Variants in CTNNA2 observed in about 807,000 individuals in gnomAD.
The protein encoded by CTNNA2 is catenin alpha 2.
A neutral mutation model predicts 101.0 loss-of-function variants in CTNNA2; 42 were observed. The observed-to-expected ratio is 0.42, with a 90% CI of 0.32 to 0.54. The LOEUF (loss-of-function observed/expected upper bound fraction) is 0.54, where lower values mean the gene tolerates loss of function less well. Ranked by LOEUF, CTNNA2 falls within the 20% of genes least tolerant of loss-of-function variation. CTNNA2 has a pLI of 0.14. For synonymous variants in CTNNA2, 450 were observed against 456.4 expected, an observed-to-expected ratio of 0.99 and a Z score of 0.18; for missense variants, 871 against 1,223.1, an observed-to-expected ratio of 0.71 and a Z score of 4.29.
At chr2:80,453,289 G>T (rs939721153) in intron 9 of CTNNA2, among the ~76,000 whole-genome samples, 1 of 152,040 alleles carries the variant, frequency 6.6e-6, no homozygotes, top group Non-Finnish European at 1.5e-5. Flanking sequence ...GGCCAAGGTT[G>T]GTAGGGATAG....
chr2:80,204,981 A>C (rs1707442990), intron 7 of CTNNA2, among the ~76,000 whole-genome samples: 1 of 152,170 alleles, frequency 6.6e-6, no homozygotes, highest in Admixed American at 6.5e-5. Flanking sequence ...TAAAACCATC[A>C]GATCTCATGA....
At chr2:79,747,591 A>G (rs544563217) in intron 3 of CTNNA2, among the ~76,000 whole-genome samples, 50 of 152,340 alleles carry the variant, frequency 3.3e-4, no homozygotes, top group South Asian at 6.2e-4. Context: ...TTTTGTCATT[A>G]CAAGTTAGTT....
chr2:80,186,575 G>A (rs899064641), intron 7 of CTNNA2, among the ~76,000 whole-genome samples: 2 of 152,152 alleles, frequency 1.3e-5, no homozygotes, highest in Admixed American at 1.3e-4. Context: ...CATTAACAAT[G>A]TTTGTTTGTA....
At chr2:79,492,990 C>A (rs1482366206) in intron 4 of CTNNA2, among the ~76,000 whole-genome samples, 1 of 151,980 alleles carries the variant, frequency 6.6e-6, no homozygotes, top group Admixed American at 6.6e-5. Context: ...CAGAAAAAAC[C>A]ACTTAATCAA....
At chr2:80,613,477 T>TG (rs2149793118) in intron 17 of CTNNA2, among the ~76,000 whole-genome samples, 1 of 151,522 alleles carries the variant, frequency 6.6e-6, no homozygotes, top group East Asian at 2.0e-4. Context: ...GAAAGCTTTG[T>TG]GTCTTTTGCA....
rs1160951845 is a variant in CTNNA2, at chr2:79,715,738, A to G, written c.103-28649A>G. Among the ~76,000 whole-genome samples, 3 of 152,154 alleles carry G rather than the reference A, an allele frequency of 2.0e-5. No homozygotes were observed. The East Asian group carries it at 5.8e-4, about 29-fold the overall frequency. On this transcript the variant is annotated intron_variant, in intron 2 of 18. Coordinates refer to ENST00000402739, the MANE Select transcript of CTNNA2 (RefSeq NM_001282597.3). The stretch of plus-strand genomic sequence containing the variant: ...AATATGAAACTTGGTAAAAAGAAAT[A>G]TATGTATAAATATGGAGCCATTGGA...
intron 7 of CTNNA2, among the ~76,000 whole-genome samples, chr2:80,181,729 CA>C (rs1314395969): frequency 2.0e-5 from 3 of 152,148 alleles, no homozygotes; most frequent in Admixed American, 2.0e-4. Flanking sequence ...CACGTATGGT[CA>C]AAGGTATTAT....
chr2:79,543,209 C>T (rs1487746192), intron 1 of CTNNA2, among the ~76,000 whole-genome samples: 1 of 152,054 alleles, frequency 6.6e-6, no homozygotes, highest in Non-Finnish European at 1.5e-5. Context: ...TCCATTAAAA[C>T]ATATTTGTGA....
chr2:79,211,840 T>C (rs370299123), intron 2 of CTNNA2, among the ~76,000 whole-genome samples: 17 of 152,080 alleles, frequency 1.1e-4, no homozygotes, highest in East Asian at 9.7e-4. Context: ...GGGGATGGTA[T>C]GGAGAGATAG....
intron 7 of CTNNA2, among the ~76,000 whole-genome samples, chr2:80,378,202 C>T (rs1045914927): frequency 6.6e-6 from 1 of 151,692 alleles, no homozygotes; most frequent in South Asian, 2.1e-4. Context: ...ACTAAACATG[C>T]AAAAAATTAG....
At chr2:80,192,932 AT>A (rs1558890150) in intron 7 of CTNNA2, among the ~76,000 whole-genome samples, 1 of 150,880 alleles carries the variant, frequency 6.6e-6, no homozygotes, top group Non-Finnish European at 1.5e-5. Flanking sequence ...TATGATGCGT[AT>A]TTTGGGAGTG....
chr2:79,731,885 A>T (rs568009231), intron 2 of CTNNA2, among the ~76,000 whole-genome samples: 1 of 151,952 alleles, frequency 6.6e-6, no homozygotes, highest in Non-Finnish European at 1.5e-5. Context: ...TAAGAGCAAA[A>T]ATAAATATTC....
chr2:80,523,512 G>A (rs1689755660), intron 9 of CTNNA2, among the ~76,000 whole-genome samples: 1 of 152,180 alleles, frequency 6.6e-6, no homozygotes, highest in South Asian at 2.1e-4. Flanking sequence ...GATAGGCTAC[G>A]ACAATTCCTA....
At chr2:79,331,219 G>T (rs1316880894) in intron 3 of CTNNA2, among the ~76,000 whole-genome samples, 2 of 152,082 alleles carry the variant, frequency 1.3e-5, no homozygotes, top group Non-Finnish European at 2.9e-5. Flanking sequence ...CTCCCTGCCA[G>T]TCTTCATTCC....
intron 7 of CTNNA2, among the ~76,000 whole-genome samples, chr2:80,035,103 G>T (rs1695563995): frequency 6.6e-6 from 1 of 152,114 alleles, no homozygotes; most frequent in Non-Finnish European, 1.5e-5. Context: ...TTGAGAAAAA[G>T]AATGTGGCCC....
At chr2:79,963,041 A>G (rs1689764870) in intron 7 of CTNNA2, among the ~76,000 whole-genome samples, 1 of 132,342 alleles carries the variant, frequency 7.6e-6, no homozygotes, top group African/African-American at 2.8e-5. Flanking sequence ...ACTGCACTCC[A>G]GCCTGGGCGA....
intron 15 of CTNNA2, among the ~76,000 whole-genome samples, chr2:80,592,950 T>C (rs962940942): frequency 6.6e-6 from 1 of 152,160 alleles, no homozygotes; most frequent in Non-Finnish European, 1.5e-5. Flanking sequence ...TCCTTGACTT[T>C]CTTTTTTGGA....
intron 4 of CTNNA2, among the ~76,000 whole-genome samples, chr2:79,396,347 C>T (rs192624893): frequency 6.6e-5 from 10 of 151,916 alleles, no homozygotes; most frequent in South Asian, 4.2e-4. Flanking sequence ...TTAGTAGAGA[C>T]GGGATTTCAC....
chr2:79,884,029 T>C (rs1444500713), intron 6 of CTNNA2, among the ~76,000 whole-genome samples: 1 of 152,184 alleles, frequency 6.6e-6, no homozygotes, highest in Admixed American at 6.5e-5. Flanking sequence ...GCTATTGCTG[T>C]AACAAATTAA....
Sources: gnomAD v4.1 joint callset for allele counts (sites outside exome capture counted in the v4.1 genomes callset) on GRCh38, gnomAD v4.1.1 for gene constraint, MANE v1.5 for transcripts, NCBI Gene and HGNC (gene_info 2026-07-23, HGNC 2026-07-21) for gene names.